The following NELL1 variants were observed in gnomAD, a reference collection of about 807,000 sequenced individuals.
The protein encoded by NELL1 is neural EGFL like 1, also known as protein kinase C-binding protein NELL1.
In NELL1, 76 loss-of-function variants were observed where a neutral mutation model predicts 107.4. That is an observed-to-expected ratio of 0.71 (90% CI 0.59 to 0.86). The LOEUF is 0.86. NELL1 is among the 40% of genes least tolerant of loss of function. The pLI is 0.00. For missense variants in NELL1, 1,024 were observed against 1,005.5 expected, an observed-to-expected ratio of 1.02 and a Z score of -0.25; for synonymous variants, 353 against 341.2, an observed-to-expected ratio of 1.03 and a Z score of -0.38.
intron 4 of NELL1, among the ~76,000 whole-genome samples, chr11:20,869,893 T>C (rs1849164878): frequency 6.6e-6 from 1 of 152,170 alleles, no homozygotes. Context: ...TAGTTGTAAG[T>C]AACAGAAATC....
chr11:21,557,365 GA>G (rs1485074954), intron 16 of NELL1, among the ~76,000 whole-genome samples: 2 of 151,984 alleles, frequency 1.3e-5, no homozygotes, highest in African/African-American at 4.8e-5. Context: ...CTTAATTTAT[GA>G]GAGAAAATCA....
At chr11:21,169,334 T>C (rs1412559553) in intron 13 of NELL1, among the ~76,000 whole-genome samples, 3 of 151,846 alleles carry the variant, frequency 2.0e-5, no homozygotes, top group Non-Finnish European at 2.9e-5. Context: ...AAAGAAAAGC[T>C]GGAACTTGCT....
chr11:21,191,027 C>A (rs1438823110), intron 13 of NELL1, among the ~76,000 whole-genome samples: 1 of 151,832 alleles, frequency 6.6e-6, no homozygotes, highest in Non-Finnish European at 1.5e-5. Context: ...GCTTTGGAAT[C>A]AGACAAGGCC....
At chr11:20,760,207 G>A (rs1856389174) in intron 2 of NELL1, among the ~76,000 whole-genome samples, 2 of 152,212 alleles carry the variant, frequency 1.3e-5, no homozygotes, top group African/African-American at 2.4e-5. Flanking sequence ...CAAATGAAAA[G>A]AGGAGATTGA....
chr11:20,809,616 C>T (rs1857456818), intron 3 of NELL1, among the ~76,000 whole-genome samples: 1 of 152,152 alleles, frequency 6.6e-6, no homozygotes, highest in African/African-American at 2.4e-5. Flanking sequence ...TAAGTGAGAT[C>T]ATGCTGTATT....
chr11:20,800,489 T>C (rs1030045543), intron 3 of NELL1, among the ~76,000 whole-genome samples: 21 of 131,192 alleles, frequency 1.6e-4, no homozygotes, highest in African/African-American at 5.5e-4. Flanking sequence ...GCTGCTTGTA[T>C]GTCTTCTTTT....
chr11:20,804,288 T>A (rs953094972), intron 3 of NELL1, among the ~76,000 whole-genome samples: 1 of 152,152 alleles, frequency 6.6e-6, no homozygotes, highest in South Asian at 2.1e-4. Context: ...CAGGCTGGAG[T>A]GCAGTGGTGC....
chr11:20,844,083 A>T (rs561777530), intron 3 of NELL1, among the ~76,000 whole-genome samples: 10 of 152,336 alleles, frequency 6.6e-5, no homozygotes, highest in African/African-American at 2.4e-4. Context: ...TGCACAGCTC[A>T]GAGCAAAGCA....
intron 1 of NELL1, among the ~76,000 whole-genome samples, chr11:20,676,185 T>A (rs1459389499): frequency 6.6e-6 from 1 of 152,148 alleles, no homozygotes; most frequent in Non-Finnish European, 1.5e-5. Flanking sequence ...TCCTCCCATC[T>A]TGCCTTTTCT....
At chr11:20,867,699 A>C (rs1849121460) in intron 4 of NELL1, among the ~76,000 whole-genome samples, 1 of 152,298 alleles carries the variant, frequency 6.6e-6, no homozygotes, top group South Asian at 2.1e-4. Flanking sequence ...TGGAGGAATA[A>C]CTTTCCTTCT....
rs546856771 is a variant in NELL1 at position 21,198,924 on chromosome 11, G to A, written c.1427-30408G>A. ...TGCACCATGCCTACCTCTTGTCCTA[G>A]CATTTGTTATCTGGGATTAGAATGG... On this transcript the variant is annotated intron_variant, in intron 13 of 19. Transcript: ENST00000357134. Among the ~76,000 whole-genome samples the A allele has an allele frequency of 3.9e-5, 6 of 152,154 alleles. No homozygotes were observed. In the South Asian group the frequency reaches 1.2e-3, roughly 32 times the overall value.
At chr11:21,481,933 A>G (rs1305426723) in intron 15 of NELL1, among the ~76,000 whole-genome samples, 1 of 152,150 alleles carries the variant, frequency 6.6e-6, no homozygotes. Flanking sequence ...TTAGGTTCTT[A>G]TAGGAATCAG....
intron 3 of NELL1, among the ~76,000 whole-genome samples, chr11:20,846,140 T>C (rs1848697700): frequency 6.6e-6 from 1 of 152,196 alleles, no homozygotes; most frequent in South Asian, 2.1e-4. Context: ...CTGGCTGCTA[T>C]GGTATAAATA....
intron 13 of NELL1, among the ~76,000 whole-genome samples, chr11:21,204,779 G>A (rs73452246): frequency 0.059 from 8,996 of 152,106 alleles, 272 homozygotes; most frequent in East Asian, 0.14. Flanking sequence ...TGATGTTGGA[G>A]ACCTTTGGAT....
chr11:21,123,366 T>TGC (rs559250563), intron 13 of NELL1, among the ~76,000 whole-genome samples: 59,653 of 148,220 alleles, frequency 0.4, 13,009 homozygotes, highest in Non-Finnish European at 0.47. Context: ...TGTGTGTGTG[T>TGC]GCGTTTCCAT....
intron 12 of NELL1, among the ~76,000 whole-genome samples, chr11:21,050,421 T>G (rs1853464785): frequency 3.3e-5 from 5 of 149,884 alleles, no homozygotes; most frequent in Admixed American, 2.0e-4. Flanking sequence ...TAAATTGGCT[T>G]TTTTTTTTGA....
At chr11:21,127,611 A>AGAGGAAGAAGAAGAG (rs1855515440) in intron 13 of NELL1, among the ~76,000 whole-genome samples, 1 of 145,006 alleles carries the variant, frequency 6.9e-6, no homozygotes, top group Non-Finnish European at 1.6e-5. Flanking sequence ...AAGAAGAGGA[A>AGAGGAAGAAGAAGAG]GAGGAAGAAG....
At chr11:21,047,127 C>T (rs766197538) in intron 12 of NELL1, among the ~76,000 whole-genome samples, 2 of 151,876 alleles carry the variant, frequency 1.3e-5, no homozygotes, top group Non-Finnish European at 2.9e-5. Context: ...GATAACATAC[C>T]CATGAACTTT....
At chr11:20,797,776 G>A (rs903094302) in intron 3 of NELL1, among the ~76,000 whole-genome samples, 3 of 152,072 alleles carry the variant, frequency 2.0e-5, no homozygotes, top group Non-Finnish European at 4.4e-5. Context: ...TGTGCTACTG[G>A]AAGTTAGTGT....
Sources: gnomAD v4.1 joint callset for allele counts (sites outside exome capture counted in the v4.1 genomes callset) on GRCh38, gnomAD v4.1.1 for gene constraint, MANE v1.5 for transcripts, NCBI Gene and HGNC (gene_info 2026-07-23, HGNC 2026-07-21) for gene names.